The following CFAP70 variants were observed in gnomAD, a reference collection of about 807,000 sequenced individuals.
CFAP70 encodes cilia and flagella associated protein 70, also known as cilia- and flagella-associated protein 70.
Under a neutral mutation model 137.6 loss-of-function variants are expected in CFAP70, and 81 were observed. The observed-to-expected ratio is 0.59, with a 90% CI of 0.49 to 0.71. The LOEUF is 0.71. Among genes scored for constraint, CFAP70 ranks in the 30% least tolerant of loss-of-function variants. The probability of loss-of-function intolerance (pLI) is 0.00; values close to 1 mark genes in which losing one functional copy is unlikely to be tolerated. For missense variants in CFAP70, 976 were observed against 1,226.7 expected, an observed-to-expected ratio of 0.80 and a Z score of 3.05; for synonymous variants, 382 against 423.6, an observed-to-expected ratio of 0.90 and a Z score of 1.20.
At chr10:73,256,760 G>A (rs190982867) in intron 25 of CFAP70, among the ~76,000 whole-genome samples, 86 of 151,768 alleles carry the variant, frequency 5.7e-4, no homozygotes, top group African/African-American at 2.0e-3. Flanking sequence ...AAAATTAGCC[G>A]GGTGTGGTGG....
intron 21 of CFAP70, 176 bp downstream of exon 22, chr10:73,277,064 A>G (rs2046810602): frequency 1.2e-5 from 8 of 661,508 alleles, no homozygotes; most frequent in Non-Finnish European, 1.8e-5. Flanking sequence ...TTCTGCTGCC[A>G]TGTGCAAAGA....
intron 26 of CFAP70, 118 bp downstream of exon 27, chr10:73,256,251 A>G: frequency 3.4e-6 from 4 of 1,176,562 alleles, no homozygotes; most frequent in Non-Finnish European, 3.6e-6. Context: ...AAAGATGGTA[A>G]GAAAAGCCTC....
chr10:73,264,084 T>C (rs2045531164), intron 25 of CFAP70, among the ~76,000 whole-genome samples: 2 of 152,232 alleles, frequency 1.3e-5, no homozygotes, highest in African/African-American at 4.8e-5. Flanking sequence ...TTCTGTTTGT[T>C]TTATTTTTTC....
At chr10:73,327,298 T>G (rs2051555315) in intron 8 of CFAP70, among the ~76,000 whole-genome samples, 1 of 150,782 alleles carries the variant, frequency 6.6e-6, no homozygotes, top group South Asian at 2.1e-4. Flanking sequence ...CCCTTCATGC[T>G]AAAAACTCTC....
chr10:73,355,377 A>T (rs2054589077), intron 1 of CFAP70, among the ~76,000 whole-genome samples: 1 of 152,232 alleles, frequency 6.6e-6, no homozygotes, highest in Non-Finnish European at 1.5e-5. Flanking sequence ...TAAGAATCGA[A>T]TGCCTGATTT....
intron 4 of CFAP70, chr10:73,348,158 T>C: frequency 1.9e-6 from 3 of 1,613,926 alleles, no homozygotes; most frequent in Non-Finnish European, 2.5e-6. Context: ...CTGATTACCT[T>C]AGCACTTGAT....
At chr10:73,329,050 T>C (rs1299113475) in intron 8 of CFAP70, among the ~76,000 whole-genome samples, 2 of 151,974 alleles carry the variant, frequency 1.3e-5, no homozygotes, top group South Asian at 4.2e-4. Context: ...CATATGTTTA[T>C]TGCGGCACTA....
At chr10:73,293,287 C>G in exon 16 of CFAP70, 1 of 1,612,038 alleles carries the variant, frequency 6.2e-7, no homozygotes, top group Non-Finnish European at 8.5e-7. Context: ...CTGCTGCCAT[C>G]TCAAAGTTCT....
Position 73,354,969 on chromosome 10 carries a change from C to A in CFAP70, c.-39-134G>T. 3.3e-6 allele frequency: 2 copies of A among 606,728 alleles called. 1 individual carries two copies. Among genetic ancestry groups the A allele is most frequent in the South Asian group, 4.2e-5 (2 of 47,558 alleles). The allele number at this position is 606,728 out of a possible 1,614,324, so 37.6% of individuals were successfully genotyped here. The stretch of plus-strand genomic sequence containing the variant: ...GCACTGTTTTATTCCCCATATCCAA[C>A]CTTTGCTGTTGGACAGGCAGTGCTT... On this transcript the variant is annotated intron_variant, in intron 1 of 26. Transcript: ENST00000310715.
At chr10:73,305,759 A>C (rs1354741871) in intron 12 of CFAP70, among the ~76,000 whole-genome samples, 3 of 152,232 alleles carry the variant, frequency 2.0e-5, no homozygotes, top group African/African-American at 7.2e-5. Flanking sequence ...CCACATGTCC[A>C]GTTTTCAACG....
chr10:73,256,454 A>G (rs1465023642), intron 25 of CFAP70, 38 bp from the exon 27 acceptor site: 1 of 1,613,076 alleles, frequency 6.2e-7, no homozygotes, highest in African/African-American at 1.3e-5. Flanking sequence ...ATGACAGGTC[A>G]TAAACATTAT....
intron 5 of CFAP70, among the ~76,000 whole-genome samples, chr10:73,343,998 T>C (rs2053501835): frequency 6.6e-6 from 1 of 152,134 alleles, no homozygotes; most frequent in Non-Finnish European, 1.5e-5. Context: ...TTTCACTCGT[T>C]GCCCAGGCTG....
intron 4 of CFAP70, among the ~76,000 whole-genome samples, chr10:73,347,460 A>G (rs1315273055): frequency 6.6e-6 from 1 of 152,192 alleles, no homozygotes; most frequent in Non-Finnish European, 1.5e-5. Flanking sequence ...TAGAAGATAG[A>G]AAAGGTGGGA....
exon 21 of CFAP70, chr10:73,277,322 G>A (rs1564770593): frequency 1.9e-6 from 3 of 1,613,986 alleles, no homozygotes; most frequent in East Asian, 2.2e-5. Context: ...ATGAAGGCCG[G>A]GATGCAGAAG....
chr10:73,350,551 C>A (rs976449445), intron 3 of CFAP70, among the ~76,000 whole-genome samples: 1 of 151,976 alleles, frequency 6.6e-6, no homozygotes, highest in Non-Finnish European at 1.5e-5. Flanking sequence ...TGCCTTCTGT[C>A]TAGAAATGAA....
At chr10:73,288,186 C>T (rs777568706) in intron 19 of CFAP70, among the ~76,000 whole-genome samples, 12 of 152,066 alleles carry the variant, frequency 7.9e-5, no homozygotes, top group South Asian at 2.1e-4. Flanking sequence ...TGTGAGCCAC[C>T]GTGCCCGGCC....
chr10:73,317,176 C>A (rs1481620758), intron 9 of CFAP70, among the ~76,000 whole-genome samples: 2 of 152,130 alleles, frequency 1.3e-5, no homozygotes, highest in East Asian at 3.9e-4. Flanking sequence ...CGCCACCATG[C>A]CCAGGTAACT....
At chr10:73,308,927 A>C (rs977990273) in intron 12 of CFAP70, among the ~76,000 whole-genome samples, 4 of 152,112 alleles carry the variant, frequency 2.6e-5, no homozygotes, top group Admixed American at 2.6e-4. Flanking sequence ...ACACTAAAGA[A>C]GAAGAAAACT....
At chr10:73,259,416 A>T (rs1315570603) in intron 25 of CFAP70, among the ~76,000 whole-genome samples, 1 of 152,124 alleles carries the variant, frequency 6.6e-6, no homozygotes, top group Non-Finnish European at 1.5e-5. Flanking sequence ...CAATCTCCAC[A>T]TTAGCAAACT....
Sources: gnomAD v4.1 joint callset for allele counts (sites outside exome capture counted in the v4.1 genomes callset) on GRCh38, gnomAD v4.1.1 for gene constraint, MANE v1.5 for transcripts, NCBI Gene and HGNC (gene_info 2026-07-23, HGNC 2026-07-21) for gene names.